Variants in KCNIP4 observed in about 807,000 individuals in gnomAD.
KCNIP4 encodes potassium voltage-gated channel interacting protein 4.
In KCNIP4, 12 loss-of-function variants were observed where a neutral mutation model predicts 34.0. That is an observed-to-expected ratio of 0.35 (90% CI 0.23 to 0.57). KCNIP4 has a LOEUF of 0.57. KCNIP4 is among the 20% of genes least tolerant of loss of function. KCNIP4 has a pLI of 0.83. For synonymous variants in KCNIP4, 124 were observed against 102.2 expected (o/e 1.21, Z -1.29); for missense variants, 238 against 311.7 (o/e 0.76, Z 1.78).
chr4:21,664,017 T>G (rs1748646490), intron 1 of KCNIP4, among the ~76,000 whole-genome samples: 1 of 152,296 alleles, frequency 6.6e-6, no homozygotes, highest in Middle Eastern at 3.4e-3. Context: ...CAACCTTGGC[T>G]CACTGCAACC....
chr4:21,102,113 C>A (rs1174327514), intron 1 of KCNIP4, among the ~76,000 whole-genome samples: 1 of 152,126 alleles, frequency 6.6e-6, no homozygotes. Context: ...GGGAAGGTGA[C>A]AAAGACAATG....
intron 1 of KCNIP4, among the ~76,000 whole-genome samples, chr4:21,177,944 G>T (rs1273695091): frequency 6.6e-6 from 1 of 151,296 alleles, no homozygotes; most frequent in Non-Finnish European, 1.5e-5. Context: ...ATGTTTTACA[G>T]GTTATTATAC....
At chr4:21,489,510 T>C (rs936878746) in intron 1 of KCNIP4, among the ~76,000 whole-genome samples, 2 of 152,138 alleles carry the variant, frequency 1.3e-5, no homozygotes, top group African/African-American at 4.8e-5. Context: ...TTCATTAATC[T>C]TATTATTCTG....
intron 1 of KCNIP4, among the ~76,000 whole-genome samples, chr4:21,939,078 A>G (rs183914350): frequency 5.6e-4 from 86 of 152,266 alleles, no homozygotes; most frequent in Admixed American, 1.1e-3. Flanking sequence ...CCACAATCTC[A>G]TGCTCAGGGA....
At chr4:21,515,601 T>C (rs931591406) in intron 1 of KCNIP4, among the ~76,000 whole-genome samples, 1 of 151,976 alleles carries the variant, frequency 6.6e-6, no homozygotes, top group African/African-American at 2.4e-5. Context: ...ATTGTGTCAC[T>C]GCACTCCAGC....
At chr4:21,825,627 G>A (rs1220324485) in intron 1 of KCNIP4, among the ~76,000 whole-genome samples, 1 of 152,082 alleles carries the variant, frequency 6.6e-6, no homozygotes, top group Non-Finnish European at 1.5e-5. Context: ...ACAAAATATT[G>A]TATACTATTA....
At chr4:21,116,650 T>A (rs936564146) in intron 1 of KCNIP4, among the ~76,000 whole-genome samples, 2 of 152,228 alleles carry the variant, frequency 1.3e-5, no homozygotes, top group African/African-American at 4.8e-5. Context: ...AAGATTGGTT[T>A]TGTTATATCT....
intron 2 of KCNIP4, among the ~76,000 whole-genome samples, chr4:20,878,050 A>G (rs1382336152): frequency 6.6e-6 from 1 of 152,028 alleles, no homozygotes; most frequent in Non-Finnish European, 1.5e-5. Context: ...CTCAATCAAT[A>G]TCAGAGGTCA....
At chr4:20,953,893 A>C (rs1463678854) in intron 1 of KCNIP4, among the ~76,000 whole-genome samples, 1 of 152,136 alleles carries the variant, frequency 6.6e-6, no homozygotes, top group Non-Finnish European at 1.5e-5. Flanking sequence ...CTAGAAATGT[A>C]ATTTAGCCTT....
At chr4:21,885,802 T>A (rs557934679) in intron 1 of KCNIP4, among the ~76,000 whole-genome samples, 3 of 152,306 alleles carry the variant, frequency 2.0e-5, no homozygotes, top group African/African-American at 7.2e-5. Context: ...ATTATGTTTT[T>A]TTCCATATGC....
chr4:21,219,898 A>G (rs1316323827), intron 1 of KCNIP4, among the ~76,000 whole-genome samples: 1 of 152,194 alleles, frequency 6.6e-6, no homozygotes, highest in Non-Finnish European at 1.5e-5. Flanking sequence ...AAACTTACTG[A>G]GTTCTTCTTC....
At chr4:21,383,611 T>A (rs1447730549) in intron 1 of KCNIP4, among the ~76,000 whole-genome samples, 1 of 152,022 alleles carries the variant, frequency 6.6e-6, no homozygotes, top group Non-Finnish European at 1.5e-5. Context: ...ATACTTTGCA[T>A]GGAGGGGATC....
intron 1 of KCNIP4, among the ~76,000 whole-genome samples, chr4:21,899,602 A>G (rs1329466412): frequency 6.6e-6 from 1 of 152,172 alleles, no homozygotes; most frequent in Non-Finnish European, 1.5e-5. Context: ...TGCAGGATAC[A>G]AAATTAACCA....
At chr4:20,796,069 A>G (rs952324937) in intron 3 of KCNIP4, among the ~76,000 whole-genome samples, 1 of 152,244 alleles carries the variant, frequency 6.6e-6, no homozygotes, top group Non-Finnish European at 1.5e-5. Flanking sequence ...TGAAAATTCA[A>G]TGAGTGCATA....
chr4:21,732,467 C>T (rs1447356381), intron 1 of KCNIP4, among the ~76,000 whole-genome samples: 1 of 152,096 alleles, frequency 6.6e-6, no homozygotes. Flanking sequence ...TAGTCTGAAG[C>T]TCTGCATTTT....
chr4:21,653,771 T>A (rs953943891), intron 1 of KCNIP4, among the ~76,000 whole-genome samples: 1 of 152,228 alleles, frequency 6.6e-6, no homozygotes, highest in Admixed American at 6.5e-5. Context: ...AGTAAAGGAT[T>A]AGTTACTTGC....
intron 1 of KCNIP4, among the ~76,000 whole-genome samples, chr4:20,900,668 C>G (rs1434635574): frequency 2.0e-5 from 3 of 152,156 alleles, no homozygotes; most frequent in African/African-American, 7.2e-5. Context: ...ACTTGCAGAG[C>G]CAGCTCATAC....
intron 1 of KCNIP4, among the ~76,000 whole-genome samples, chr4:21,756,671 G>T (rs1318307307): frequency 1.3e-5 from 2 of 152,122 alleles, no homozygotes; most frequent in East Asian, 3.9e-4. Flanking sequence ...CACTTTAAAA[G>T]GGGCACAAAT....
At chr4:21,865,884 G>A (rs868556164) in intron 1 of KCNIP4, among the ~76,000 whole-genome samples, 2 of 150,560 alleles carry the variant, frequency 1.3e-5, no homozygotes, top group African/African-American at 2.4e-5. Flanking sequence ...AACTAGAAAG[G>A]TTTCAATCAT....
Sources: allele counts gnomAD v4.1 joint callset (sites outside exome capture counted in the v4.1 genomes callset), GRCh38; gene constraint gnomAD v4.1.1; transcripts MANE v1.5; gene names NCBI Gene and HGNC (gene_info 2026-07-23, HGNC 2026-07-21).